MTSS1: variants seen among roughly 807,000 people sequenced by gnomAD.
MTSS1 encodes protein MTSS 1.
Under a neutral mutation model 79.0 loss-of-function variants are expected in MTSS1, and 18 were observed. That is an observed-to-expected ratio of 0.23 (90% confidence interval 0.16 to 0.34). The LOEUF (loss-of-function observed/expected upper bound fraction) is 0.34, where lower values mean the gene tolerates loss of function less well. Among genes scored for constraint, MTSS1 ranks in the 10% least tolerant of loss-of-function variants. The pLI is 1.00. For synonymous variants in MTSS1, 341 were observed against 368.6 expected (o/e 0.93, Z 0.86); for missense variants, 815 against 986.2 (o/e 0.83, Z 2.33).
chr8:124,581,991 G>A (rs567612290), intron 6 of MTSS1, among the ~76,000 whole-genome samples: 2 of 152,186 alleles, frequency 1.3e-5, no homozygotes, highest in East Asian at 3.9e-4. Context: ...AGAGCCTGGG[G>A]TTACTGGGTC....
chr8:124,719,252 C>T lies in MTSS1; in HGVS notation c.72+8632G>A, dbSNP rs372988567. 2.0e-3 allele frequency among the ~76,000 whole-genome samples: 304 copies of T among 152,334 alleles called. 1 individual carries two copies. The highest frequency in any genetic ancestry group is 6.8e-3 in the African/African-American group (281 of 41,580). ...TGTAAAATGGGAATTATACTAGTTA[C>T]TAAGACTACCTCGCTGGGTGGTTGG... On this transcript the variant is annotated intron_variant, in intron 1 of 13. Coordinates refer to ENST00000518547, the MANE Select transcript of MTSS1 (RefSeq NM_014751.6).
chr8:124,657,265 G>A (rs989322152), intron 3 of MTSS1, among the ~76,000 whole-genome samples: 22 of 152,078 alleles, frequency 1.4e-4, no homozygotes, highest in African/African-American at 4.6e-4. Context: ...GTTGGGCTGG[G>A]GGGCAACATG....
At chr8:124,567,907 CT>C in intron 7 of MTSS1, 1 of 1,422,360 alleles carries the variant, frequency 7.0e-7, no homozygotes, top group Non-Finnish European at 9.2e-7. Context: ...AAAATTAAGT[CT>C]AAATTGATTC....
intron 3 of MTSS1, among the ~76,000 whole-genome samples, chr8:124,622,940 G>A (rs78567734): frequency 0.022 from 3,288 of 152,248 alleles, 166 homozygotes; most frequent in East Asian, 0.14. Context: ...TCCCTGACCC[G>A]GAAAGTAGGG....
At chr8:124,710,745 C>T (rs1013329117) in intron 1 of MTSS1, among the ~76,000 whole-genome samples, 1 of 152,208 alleles carries the variant, frequency 6.6e-6, no homozygotes, top group African/African-American at 2.4e-5. Context: ...GCAGCAACTG[C>T]CTCTCCCAGC....
At chr8:124,627,433 C>T (rs184458658) in intron 3 of MTSS1, among the ~76,000 whole-genome samples, 78 of 152,362 alleles carry the variant, frequency 5.1e-4, no homozygotes, top group African/African-American at 1.6e-3. Flanking sequence ...CCAAGGCTCA[C>T]GCAGGTTAAG....
chr8:124,655,946 C>T (rs565897466), intron 3 of MTSS1, among the ~76,000 whole-genome samples: 97 of 152,196 alleles, frequency 6.4e-4, no homozygotes, highest in African/African-American at 2.3e-3. Flanking sequence ...GTATAACAAA[C>T]GCTGAAATGC....
intron 1 of MTSS1, among the ~76,000 whole-genome samples, chr8:124,712,937 C>G (rs1316307511): frequency 6.6e-6 from 1 of 152,174 alleles, no homozygotes; most frequent in Non-Finnish European, 1.5e-5. Flanking sequence ...GTTGGATGCC[C>G]GGGCTGTTTT....
At chr8:124,631,165 TCAGCAG>T (rs1179929192) in intron 3 of MTSS1, among the ~76,000 whole-genome samples, 11 of 152,146 alleles carry the variant, frequency 7.2e-5, no homozygotes, top group Non-Finnish European at 1.5e-4. Context: ...GAGTAAGGAA[TCAGCAG>T]CTTTGGGAAG....
At chr8:124,637,344 G>A (rs990311724) in intron 3 of MTSS1, among the ~76,000 whole-genome samples, 2 of 152,196 alleles carry the variant, frequency 1.3e-5, no homozygotes, top group Non-Finnish European at 2.9e-5. Context: ...GGGGAGTTTT[G>A]GGATGGTGAC....
intron 3 of MTSS1, among the ~76,000 whole-genome samples, chr8:124,595,125 G>A (rs1832536719): frequency 6.6e-6 from 1 of 151,898 alleles, no homozygotes; most frequent in South Asian, 2.1e-4. Context: ...GGCAGGACCA[G>A]GGACTGGGTT....
At chr8:124,628,048 T>G (rs1213017910) in intron 3 of MTSS1, among the ~76,000 whole-genome samples, 2 of 152,090 alleles carry the variant, frequency 1.3e-5, no homozygotes, top group Non-Finnish European at 2.9e-5. Flanking sequence ...GTGCCTGTAA[T>G]CCCAGCTACT....
intron 6 of MTSS1, chr8:124,580,016 T>G (rs923535340): frequency 1.3e-5 from 2 of 152,422 alleles, no homozygotes; most frequent in African/African-American, 4.8e-5. Context: ...TCACAAACTC[T>G]ACTGAAATAA....
chr8:124,656,648 A>G (rs1442203468), intron 3 of MTSS1, among the ~76,000 whole-genome samples: 3 of 151,650 alleles, frequency 2.0e-5, no homozygotes, highest in Admixed American at 6.6e-5. Flanking sequence ...TGTGGTGGTG[A>G]ATGCCTGCAG....
At chr8:124,570,880 G>A (rs189224594) in intron 6 of MTSS1, among the ~76,000 whole-genome samples, 1 of 152,032 alleles carries the variant, frequency 6.6e-6, no homozygotes, top group African/African-American at 2.4e-5. Flanking sequence ...TGCTTTATTG[G>A]CCAGACGGTC....
At chr8:124,682,669 C>T (rs1292958797) in intron 3 of MTSS1, among the ~76,000 whole-genome samples, 1 of 152,168 alleles carries the variant, frequency 6.6e-6, no homozygotes, top group Non-Finnish European at 1.5e-5. Flanking sequence ...GCTGAATGGG[C>T]CAGTGGCTAA....
chr8:124,705,592 G>A (rs1289173134), intron 1 of MTSS1, among the ~76,000 whole-genome samples: 1 of 152,182 alleles, frequency 6.6e-6, no homozygotes, highest in Non-Finnish European at 1.5e-5. Flanking sequence ...AACAACATAT[G>A]CTACCTCTTG....
chr8:124,589,831 C>T, intron 4 of MTSS1, 120 bp from the exon 5 acceptor site: 1 of 701,336 alleles, frequency 1.4e-6, no homozygotes, highest in Non-Finnish European at 2.4e-6. Context: ...CTCATCTAAA[C>T]CCCGGGGCTC....
At chr8:124,646,822 T>TTC (rs142251173) in intron 3 of MTSS1, among the ~76,000 whole-genome samples, 8 of 150,852 alleles carry the variant, frequency 5.3e-5, no homozygotes, top group East Asian at 1.9e-4. Flanking sequence ...CATTACATCT[T>TTC]TCTCTCTCTC....
Sources: allele counts gnomAD v4.1 joint callset (sites outside exome capture counted in the v4.1 genomes callset), GRCh38; gene constraint gnomAD v4.1.1; transcripts MANE v1.5; gene names NCBI Gene and HGNC (gene_info 2026-07-23, HGNC 2026-07-21).